The following SGSM2 variants were observed in gnomAD, a reference collection of about 807,000 sequenced individuals.
SGSM2 encodes the protein RUN and TBC1 domain containing 1.
In SGSM2, 89 loss-of-function variants were observed where a neutral mutation model predicts 126.6. The ratio of observed to expected loss-of-function variants is 0.70; its 90% CI spans 0.59 to 0.84. SGSM2 has a LOEUF of 0.84. SGSM2 is among the 40% of genes least tolerant of loss of function. The pLI is 0.00. For missense variants in SGSM2, 1,404 were observed against 1,416.6 expected (o/e 0.99, Z 0.14); for synonymous variants, 614 against 574.3 (o/e 1.07, Z -0.99).
rs562042686 is a variant in SGSM2 at position 2,343,540 on chromosome 17, C to T, written c.58-5C>T. 5 of 1,613,900 alleles carry T rather than the reference C, an allele frequency of 3.1e-6. No homozygotes were observed. The highest frequency in any genetic ancestry group is 2.2e-5 in the East Asian group (1 of 44,882). ...AAAGCAGTGATGCTGTCCATGTGTC[C>T]GCAGGTGAAGCAAATCATGGAGGAG... On this transcript the variant is annotated splice_region_variant and splice_polypyrimidine_tract_variant and intron_variant, in intron 1 of 23. Transcript: ENST00000268989.
Position 2,365,147 on chromosome 17 carries a change from G to A in SGSM2, c.1162-68G>A, listed in dbSNP as rs886769703. On this transcript the variant is annotated intron_variant, in intron 10 of 23. Transcript: ENST00000268989. Reference sequence around the variant, plus strand: ...TTCCCCACGTGGAGTTCTTAGGAGCGGCCTTGTGTGGAACCCTGGATGAGA... The same window carrying A: ...TTCCCCACGTGGAGTTCTTAGGAGCAGCCTTGTGTGGAACCCTGGATGAGA... 97 of 1,590,042 alleles carry A rather than the reference G, an allele frequency of 6.1e-5. No homozygotes were observed. The East Asian group carries it at 1.3e-3, about 21-fold the overall frequency.
intron 2 of SGSM2, among the ~76,000 whole-genome samples, chr17:2,344,189 ACCT>A (rs1454072023): frequency 2.6e-5 from 4 of 151,934 alleles, no homozygotes; most frequent in East Asian, 1.9e-4. Flanking sequence ...CTCTCTCATC[ACCT>A]CCTTCTCAGT....
chr17:2,362,667 T>C lies in SGSM2; in HGVS notation c.459-171T>C, dbSNP rs977710121. ...CATCTCCCCGTCCCCTTCGGTGCCC[T>C]CAAGGCATTGGCCATACCAGGCACC... On this transcript the variant is annotated intron_variant, in intron 4 of 23. Coordinates refer to ENST00000268989, the MANE Select transcript of SGSM2 (RefSeq NM_014853.3). The surrounding 1 kb of genome is among the most constrained non-coding windows in gnomAD (Gnocchi z 4.9). Among the ~76,000 whole-genome samples the C allele has an allele frequency of 3.3e-5, 5 of 152,206 alleles. No homozygotes were observed. The highest frequency in any genetic ancestry group is 6.5e-5 in the Admixed American group (1 of 15,290).
rs542726808 is a variant in SGSM2 at position 2,377,784 on chromosome 17, C to T, written c.2803-73C>T. On this transcript the variant is annotated intron_variant, in intron 21 of 23. Transcript: ENST00000268989. ...GATCGCCTGCATCCCTGGGCGTGAG[C>T]GGACGGTGAGTGGCGGCCAGAGGCA... 4.4e-5 allele frequency: 43 copies of T among 982,706 alleles called. No individual in the cohort carries two copies. In the East Asian group the frequency reaches 7.8e-4, roughly 18 times the overall value. 60.9% of individuals were successfully genotyped at this position (982,706 alleles called of 1,614,324 possible).
In SGSM2 at chr17:2,370,917, C is replaced by T. The variant is rs2065837830; in HGVS notation, c.1424-345C>T. On this transcript the variant is annotated intron_variant, in intron 12 of 23. Coordinates refer to ENST00000268989, the MANE Select transcript of SGSM2 (RefSeq NM_014853.3). Reference sequence around the variant, plus strand: ...GCTGGTGGCTTTGAGGAGCTCAGGTCTTTGTTCCTTCTCTTTCTTTCCCTT... The same window carrying T: ...GCTGGTGGCTTTGAGGAGCTCAGGTTTTTGTTCCTTCTCTTTCTTTCCCTT... 3.9e-5 allele frequency among the ~76,000 whole-genome samples: 6 copies of T among 152,218 alleles called. 1 individual carries two copies. In the South Asian group the frequency reaches 1.2e-3, roughly 31 times the overall value.
intron 2 of SGSM2, among the ~76,000 whole-genome samples, chr17:2,358,883 T>TG (rs2065192648): frequency 1.6e-4 from 24 of 148,080 alleles, no homozygotes; most frequent in East Asian, 5.9e-4. Flanking sequence ...GTTTTTTTTT[T>TG]TTTTTTTTTT....
At chr17:2,342,989 C>T (rs2064445128) in intron 1 of SGSM2, among the ~76,000 whole-genome samples, 2 of 152,090 alleles carry the variant, frequency 1.3e-5, no homozygotes, top group South Asian at 4.1e-4. Flanking sequence ...AAAAAAATGA[C>T]TGTTTACCTT....
chr17:2,349,232 T>A (rs1383096011), intron 2 of SGSM2, among the ~76,000 whole-genome samples: 4 of 152,028 alleles, frequency 2.6e-5, no homozygotes, highest in Non-Finnish European at 4.4e-5. Context: ...AAAAATTAGC[T>A]GGGCATCATG....
chr17:2,360,891 C>G (rs2065280565), intron 2 of SGSM2, among the ~76,000 whole-genome samples: 1 of 152,214 alleles, frequency 6.6e-6, no homozygotes, highest in Non-Finnish European at 1.5e-5. Flanking sequence ...CCTCTTTGGG[C>G]CTTTCCCTCC....
Position 2,376,204 on chromosome 17 carries a change from G to T in SGSM2, c.2552G>T (p.Arg851Leu), listed in dbSNP as rs1054051998. ...GACAAGGATGTGCAGAGGTGTGACC[G>T]CAACTACTGGTACTTCACGCCCCCC... Reference protein sequence around the residue: ...RIDKDVQRCDRNYWYFTPPNL... With the variant: ...RIDKDVQRCDLNYWYFTPPNL... Residue 851 changes from arginine to leucine, a missense_variant, in exon 19 of 24, where the codon CGC becomes CTC. Physicochemically the swap from Arg to Leu is moderately radical, Grantham distance 102. Coordinates refer to ENST00000268989, the MANE Select transcript of SGSM2 (RefSeq NM_014853.3). 3 of 1,613,918 alleles carry T rather than the reference G, an allele frequency of 1.9e-6. No homozygotes were observed. The highest frequency in any genetic ancestry group is 1.7e-6 in the Non-Finnish European group (2 of 1,180,012).
Position 2,380,305 on chromosome 17 carries a change from C to T in SGSM2, c.*785C>T. Reference sequence around the variant, plus strand: ...CCACGTGTAAGAAGTGATGCTTTTGCCAGTGGATGATCTGGAATGCGACCG... The same window carrying T: ...CCACGTGTAAGAAGTGATGCTTTTGTCAGTGGATGATCTGGAATGCGACCG... On this transcript the variant is annotated 3_prime_UTR_variant, in exon 24 of 24. Coordinates refer to ENST00000268989, the MANE Select transcript of SGSM2 (RefSeq NM_014853.3). 2 of 1,535,748 alleles carry T rather than the reference C, an allele frequency of 1.3e-6. No individual in the cohort carries two copies. The highest frequency in any genetic ancestry group is 2.4e-5 in the South Asian group (2 of 84,060).
intron 2 of SGSM2, among the ~76,000 whole-genome samples, chr17:2,358,878 T>TG (rs201210483): frequency 0.35 from 50,376 of 145,326 alleles, 10,157 homozygotes; most frequent in East Asian, 0.64. Context: ...TTGTTGTTTT[T>TG]TTTTTTTTTT....
chr17:2,339,805 C>T (rs1200925611), intron 1 of SGSM2, among the ~76,000 whole-genome samples: 1 of 152,120 alleles, frequency 6.6e-6, no homozygotes, highest in Non-Finnish European at 1.5e-5. Flanking sequence ...CCCACCCCTC[C>T]CCTTGGTAAA....
intron 12 of SGSM2, among the ~76,000 whole-genome samples, chr17:2,368,039 G>A (rs537273953): frequency 4.6e-5 from 7 of 152,282 alleles, no homozygotes; most frequent in East Asian, 1.9e-4. Flanking sequence ...ATGAACTCCC[G>A]CCCCAGATAT....
chr17:2,374,878 A>G (rs1192139980), intron 17 of SGSM2, among the ~76,000 whole-genome samples: 3 of 151,992 alleles, frequency 2.0e-5, no homozygotes, highest in Non-Finnish European at 2.9e-5. Flanking sequence ...GAAAAATCCC[A>G]AACAGTCTCT....
rs1159590697 is a variant in SGSM2 at position 2,365,291 on chromosome 17, C to G, written c.1238C>G (p.Ala413Gly). Residue 413 changes from alanine to glycine, a missense_variant, in exon 11 of 24, where the codon GCC becomes GGC. Ala to Gly is a moderately conservative substitution (Grantham distance 60, BLOSUM62 0). Transcript: ENST00000268989. ...ATGGAGGAGATGGGCACGGGGCGGGCCACCGACTATGTGTTCCGGATCATC... is the reference window on the plus strand; with the variant it reads ...ATGGAGGAGATGGGCACGGGGCGGGGCACCGACTATGTGTTCCGGATCATC... Reference protein sequence around the residue: ...VDMEEMGTGRATDYVFRIIYP... With the variant: ...VDMEEMGTGRGTDYVFRIIYP... 1 of 1,592,110 alleles carries G rather than the reference C, an allele frequency of 6.3e-7. No homozygotes were observed. Among genetic ancestry groups the G allele is most frequent in the African/African-American group, 1.3e-5 (1 of 74,370 alleles).
chr17:2,338,296 GACC>G (rs2064178981), intron 1 of SGSM2, among the ~76,000 whole-genome samples: 1 of 152,200 alleles, frequency 6.6e-6, no homozygotes, highest in Non-Finnish European at 1.5e-5. Context: ...CTTAGCCAGG[GACC>G]AGGGGCTTGT....
intron 1 of SGSM2, among the ~76,000 whole-genome samples, chr17:2,338,772 C>CT (rs2064203707): frequency 1.0e-4 from 8 of 80,180 alleles, no homozygotes; most frequent in Admixed American, 9.3e-4. Flanking sequence ...TGCCGTCTCC[C>CT]TAATATATAT....
intron 23 of SGSM2, 30 bp downstream of exon 23, chr17:2,379,233 C>T (rs780338141): frequency 6.2e-7 from 1 of 1,612,726 alleles, no homozygotes; most frequent in South Asian, 1.1e-5. Flanking sequence ...TCCAGGCTGC[C>T]CTGAGCAGAG....
Sources: allele counts gnomAD v4.1 joint callset (sites outside exome capture counted in the v4.1 genomes callset), GRCh38; gene constraint gnomAD v4.1.1; non-coding constraint Gnocchi (gnomAD v3.1); transcripts MANE v1.5; gene names NCBI Gene and HGNC (gene_info 2026-07-23, HGNC 2026-07-21).